The following KBTBD11 variants were observed in gnomAD, a reference collection of about 807,000 sequenced individuals.
KBTBD11 encodes kelch repeat and BTB domain containing 11, also known as kelch repeat and BTB domain-containing protein 11.
For synonymous variants in KBTBD11, 747 were observed against 499.0 expected (o/e 1.50, Z -6.63); for missense variants, 1,390 against 1,001.8 (o/e 1.39, Z -5.23).
intron 1 of KBTBD11, among the ~76,000 whole-genome samples, chr8:1,994,949 C>G (rs1361417910): frequency 6.6e-6 from 1 of 151,562 alleles, no homozygotes; most frequent in African/African-American, 2.4e-5. Flanking sequence ...ATCCCAGCTA[C>G]TCGGGAGGCT....
chr8:2,003,309 A>G lies in KBTBD11; in HGVS notation c.*245A>G. Reference sequence around the variant, plus strand: ...TGTGCGGATGGGTCCCTTGACAGACAGGACACAGAGAAGGCTGTGGGATCC... The same window carrying G: ...TGTGCGGATGGGTCCCTTGACAGACGGGACACAGAGAAGGCTGTGGGATCC... On this transcript the variant is annotated 3_prime_UTR_variant, in exon 2 of 2. Coordinates refer to ENST00000320248, the MANE Select transcript of KBTBD11 (RefSeq NM_014867.3). 2.2e-6 allele frequency: 1 copy of G among 456,898 alleles called. No individual in the cohort carries two copies. The highest frequency in any genetic ancestry group is 4.8e-5 in the Admixed American group (1 of 20,932). The allele number at this position is 456,898 out of a possible 1,614,324, so 28.3% of individuals were successfully genotyped here. A position where few individuals can be genotyped will look rare whatever the true frequency, so the allele number is the denominator to read the frequency against.
chr8:1,973,970 T>G (rs1251241899), intron 1 of KBTBD11, 35 bp downstream of exon 1: 6 of 958,608 alleles, frequency 6.3e-6, no homozygotes, highest in African/African-American at 2.0e-5. Flanking sequence ...CGGCGGGGCC[T>G]GGCGGGCGGA....
chr8:1,974,486 G>A (rs1300082998), intron 1 of KBTBD11: 9 of 984,796 alleles, frequency 9.1e-6, no homozygotes, highest in Non-Finnish European at 1.1e-5. Context: ...GCGAACGGGG[G>A]TCTCTCCTGG....
rs111971949 is a variant in KBTBD11, at chr8:1,973,927, C to A, written c.-917C>A. ...CCGGGCCCGGCGGCTGAAGAGGAGC[C>A]GCGGCGAGGTAGGGCGGACCCCGGG... On this transcript the variant is annotated 5_prime_UTR_variant, in exon 1 of 2. Coordinates refer to ENST00000320248, the MANE Select transcript of KBTBD11 (RefSeq NM_014867.3). The A allele has an allele frequency of 0.49, 481,633 of 981,850 alleles. 120,037 individuals are homozygous for A. The highest frequency in any genetic ancestry group is 0.71 in the East Asian group (6,115 of 8,582). The allele number at this position is 981,850 out of a possible 1,614,324, so 60.8% of individuals were successfully genotyped here.
At chr8:1,981,714 C>G (rs1816546694) in intron 1 of KBTBD11, among the ~76,000 whole-genome samples, 1 of 152,224 alleles carries the variant, frequency 6.6e-6, no homozygotes, top group Non-Finnish European at 1.5e-5. Context: ...CTCCCCTGTC[C>G]TGGAGCTGGG....
intron 1 of KBTBD11, among the ~76,000 whole-genome samples, chr8:1,998,166 G>C (rs116578505): frequency 6.6e-6 from 1 of 152,198 alleles, no homozygotes; most frequent in Non-Finnish European, 1.5e-5. Context: ...GAGTTGAAAT[G>C]TAAGTATAAA....
chr8:1,977,097 A>T (rs1444712901), intron 1 of KBTBD11, among the ~76,000 whole-genome samples: 1 of 145,190 alleles, frequency 6.9e-6, no homozygotes, highest in African/African-American at 2.5e-5. Context: ...TTTTTTTTTT[A>T]AGCTCATCAT....
intron 1 of KBTBD11, among the ~76,000 whole-genome samples, chr8:1,992,242 G>A (rs2129313221): frequency 6.6e-6 from 1 of 152,234 alleles, no homozygotes; most frequent in East Asian, 1.9e-4. Flanking sequence ...TGTAAAACGT[G>A]GCAGCGCTGC....
intron 1 of KBTBD11, chr8:1,974,302 C>T (rs2129306405): frequency 1.0e-6 from 1 of 984,406 alleles, no homozygotes; most frequent in Admixed American, 6.1e-5. Flanking sequence ...GGCCGGAAGA[C>T]AATGAGCCGC....
intron 1 of KBTBD11, among the ~76,000 whole-genome samples, chr8:1,978,125 T>G (rs997181117): frequency 6.6e-6 from 1 of 152,190 alleles, no homozygotes; most frequent in Non-Finnish European, 1.5e-5. Flanking sequence ...CCAGCAGGCA[T>G]TAGCTCTTTA....
rs1238751074 is a variant in KBTBD11, at chr8:2,002,278, C to T, written c.1086C>T (p.Phe362=). ...TGTGCGTCCTCTACAACTACCTCTTCGTGGCGGGCGGCGTGGCGCCCGCGG... is the reference window on the plus strand; with the variant it reads ...TGTGCGTCCTCTACAACTACCTCTTTGTGGCGGGCGGCGTGGCGCCCGCGG... ...CGLCVLYNYL[F]VAGGVAPAGP... Residue 362 remains phenylalanine, a synonymous_variant, in exon 2 of 2, where the codon TTC becomes TTT. Transcript: ENST00000320248. The surrounding 1 kb of genome is among the most constrained non-coding windows in gnomAD (Gnocchi z 4.1). The T allele has an allele frequency of 6.9e-6, 9 of 1,303,518 alleles. No individual in the cohort carries two copies. The highest frequency in any genetic ancestry group is 3.4e-5 in the East Asian group (1 of 29,476). 80.7% of individuals were successfully genotyped at this position (1,303,518 alleles called of 1,614,324 possible).
At chr8:1,986,627 A>G (rs1168436608) in intron 1 of KBTBD11, among the ~76,000 whole-genome samples, 1 of 152,202 alleles carries the variant, frequency 6.6e-6, no homozygotes, top group Admixed American at 6.5e-5. Context: ...GGCATGAAGA[A>G]TTCTTACCTG....
rs1817393861 is a variant in KBTBD11 at position 2,002,065 on chromosome 8, CGGCCGCGCCCACCTCTT to C, written c.881_897del (p.Ala294GlyfsTer152). On this transcript the variant is annotated frameshift_variant, in exon 2 of 2. Transcript: ENST00000320248. LOFTEE classifies it low-confidence loss of function (END_TRUNC). The surrounding 1 kb of genome is among the most constrained non-coding windows in gnomAD (Gnocchi z 4.1). ...TGCTGCTGCGCCGCCGCCTGCGCGC[CGGCCGCGCCCACCTCTT>C]GGCCGCGGCGCTCGGGCCGGCGGGG... 2.3e-5 allele frequency: 27 copies of C among 1,151,054 alleles called. No homozygotes were observed. The highest frequency in any genetic ancestry group is 2.8e-5 in the Non-Finnish European group (26 of 939,178). The allele number at this position is 1,151,054 out of a possible 1,614,324, so 71.3% of individuals were successfully genotyped here. A position where few individuals can be genotyped will look rare whatever the true frequency, so the allele number is the denominator to read the frequency against.
chr8:1,979,465 A>C (rs1563362283), intron 1 of KBTBD11, among the ~76,000 whole-genome samples: 1 of 152,166 alleles, frequency 6.6e-6, no homozygotes, highest in African/African-American at 2.4e-5. Context: ...CCCCGTCTCT[A>C]CTAAAAACAC....
Position 2,001,214 on chromosome 8 carries a change from T to G in KBTBD11, c.22T>G (p.Cys8Gly). The G allele has an allele frequency of 1.4e-6, 2 of 1,407,526 alleles. No homozygotes were observed. Among genetic ancestry groups the G allele is most frequent in the Non-Finnish European group, 1.9e-6 (2 of 1,078,774 alleles). The allele number at this position is 1,407,526 out of a possible 1,614,324, so 87.2% of individuals were successfully genotyped here. The change falls in exon 2 of 2, where the codon TGC becomes GGC. Residue 8 changes from cysteine to glycine, a missense_variant. By Grantham distance (159) the Cys-to-Gly change is radical. Coordinates refer to ENST00000320248, the MANE Select transcript of KBTBD11 (RefSeq NM_014867.3). ...GGCCATGGAGCACGCGGTGGCCCCC[T>G]GCGTCCTCTACCCAGGGACTGAGCC... MEHAVAP[C>G]VLYPGTEPGA...
chr8:1,997,800 T>C (rs530093434), intron 1 of KBTBD11, among the ~76,000 whole-genome samples: 1 of 152,370 alleles, frequency 6.6e-6, no homozygotes, highest in Non-Finnish European at 1.5e-5. Context: ...CGCTGTACCA[T>C]GTTGAGACCA....
At chr8:1,982,246 AC>A (rs1296457401) in intron 1 of KBTBD11, among the ~76,000 whole-genome samples, 2 of 152,230 alleles carry the variant, frequency 1.3e-5, no homozygotes, top group African/African-American at 4.8e-5. Flanking sequence ...GCAAAAACCT[AC>A]AGTAGGTACA....
In KBTBD11 at chr8:2,002,505, T is replaced by G. The variant is rs755919511; in HGVS notation, c.1313T>G (p.Val438Gly). 5.3e-6 allele frequency: 8 copies of G among 1,513,616 alleles called. No homozygotes were observed. The Admixed American group carries it at 1.5e-4, about 28-fold the overall frequency. The allele number at this position is 1,513,616 out of a possible 1,614,324, so 93.8% of individuals were successfully genotyped here. Residue 438 changes from valine (V) to glycine (G), a missense_variant, in exon 2 of 2, where the codon GTG becomes GGG. Val to Gly is a moderately radical substitution (Grantham distance 109). Transcript: ENST00000320248. The surrounding 1 kb of genome is among the most constrained non-coding windows in gnomAD (Gnocchi z 4.1). Reference protein sequence around the residue: ...YDPRADRWAPVAPLPRGAFAV... With the variant: ...YDPRADRWAPGAPLPRGAFAV... ...CCGCGCGCCGACCGCTGGGCCCCCG[T>G]GGCGCCGCTGCCCCGGGGCGCCTTC... is the stretch of plus-strand genomic sequence containing the variant.
rs762811153 is a variant in KBTBD11 at position 2,002,822 on chromosome 8, C to A, written c.1630C>A (p.Pro544Thr). The change falls in exon 2 of 2, where the codon CCC (proline) becomes ACC (threonine). Residue 544 changes from proline (P) to threonine (T), a missense_variant. Transcript: ENST00000320248. The surrounding 1 kb of genome is among the most constrained non-coding windows in gnomAD (Gnocchi z 4.1). The stretch of plus-strand genomic sequence containing the variant: ...CCCGTGCGTCGCGCCCCTGCGCCTC[C>A]CCGGCGGCCCCACGGGCCTGCAGCC... The part of the protein sequence containing the change: ...WSPCVAPLRL[P>T]GGPTGLQPFR... The A allele has an allele frequency of 3.1e-5, 45 of 1,430,330 alleles. No individual in the cohort carries two copies. The highest frequency in any genetic ancestry group is 3.9e-5 in the Non-Finnish European group (43 of 1,101,236). 88.6% of individuals were successfully genotyped at this position (1,430,330 alleles called of 1,614,324 possible).
Sources: allele counts gnomAD v4.1 joint callset (sites outside exome capture counted in the v4.1 genomes callset), GRCh38; gene constraint gnomAD v4.1.1; non-coding constraint Gnocchi (gnomAD v3.1); transcripts MANE v1.5; gene names NCBI Gene and HGNC (gene_info 2026-07-23, HGNC 2026-07-21).